The following HIVEP2 variants were observed in gnomAD, a reference collection of about 807,000 sequenced individuals.
The protein encoded by HIVEP2 is HIVEP zinc finger 2.
A neutral mutation model predicts 180.7 loss-of-function variants in HIVEP2; 14 were observed. The ratio of observed to expected loss-of-function variants is 0.08; its 90% CI spans 0.05 to 0.12. The LOEUF is 0.12. Among genes scored for constraint, HIVEP2 ranks in the 10% least tolerant of loss-of-function variants. The probability of loss-of-function intolerance (pLI) is 1.00; values close to 1 mark genes in which losing one functional copy is unlikely to be tolerated. For synonymous variants in HIVEP2, 1,184 were observed against 1,136.4 expected (o/e 1.04, Z -0.84); for missense variants, 2,579 against 3,008.5 (o/e 0.86, Z 3.34).
At chr6:142,784,393 T>C (rs1045786079) in intron 2 of HIVEP2, among the ~76,000 whole-genome samples, 1 of 152,256 alleles carries the variant, frequency 6.6e-6, no homozygotes, top group Non-Finnish European at 1.5e-5. Flanking sequence ...AGTTAAAGTG[T>C]GCTTTCCTGC....
chr6:142,900,823 C>T (rs2128425250), intron 1 of HIVEP2, among the ~76,000 whole-genome samples: 1 of 152,304 alleles, frequency 6.6e-6, no homozygotes, highest in South Asian at 2.1e-4. Context: ...GTGGGCAAGT[C>T]TTGGAGGGTT....
chr6:142,772,575 C>T lies in HIVEP2; in HGVS notation c.2164G>A (p.Gly722Ser), dbSNP rs1268005011. 1 of 1,614,064 alleles carries T rather than the reference C, an allele frequency of 6.2e-7. No individual in the cohort carries two copies. Among genetic ancestry groups the T allele is most frequent in the African/African-American group, 1.3e-5 (1 of 74,920 alleles). ...GGGTCATAATCGGAAGCCATGATGCCCACAGGAGTGCTTACAATGCTGCTG... is the reference window on the plus strand; with the variant it reads ...GGGTCATAATCGGAAGCCATGATGCTCACAGGAGTGCTTACAATGCTGCTG... Reference protein sequence around the residue: ...ICSSIVSTPVGIMASDYDPKL... With the variant: ...ICSSIVSTPVSIMASDYDPKL... The change falls in exon 5 of 10, where the codon GGC (glycine) becomes AGC (serine). Residue 722 changes from glycine (G) to serine (S), a missense_variant. This residue lies in a region of HIVEP2 where 524 missense variants were observed against 563.6 expected (regional missense o/e 0.93). Transcript: ENST00000367603. The surrounding 1 kb of genome is among the most constrained non-coding windows in gnomAD (Gnocchi z 4.9).
At chr6:142,827,933 G>C (rs1367937591) in intron 2 of HIVEP2, among the ~76,000 whole-genome samples, 1 of 152,092 alleles carries the variant, frequency 6.6e-6, no homozygotes, top group African/African-American at 2.4e-5. Flanking sequence ...TTTCCTCACT[G>C]GTGTACTTAT....
rs768059241 is a variant in HIVEP2 at position 142,769,742 on chromosome 6, T to C, written c.4997A>G (p.Lys1666Arg). 3 of 1,614,232 alleles carry C rather than the reference T, an allele frequency of 1.9e-6. No homozygotes were observed. The South Asian group carries it at 3.3e-5, about 18-fold the overall frequency. The change falls in exon 5 of 10, where the codon AAA (lysine) becomes AGA (arginine). Residue 1666 changes from lysine to arginine, a missense_variant. Physicochemically the swap from Lys to Arg is conservative, Grantham distance 26. Coordinates refer to ENST00000367603, the MANE Select transcript of HIVEP2 (RefSeq NM_006734.4). The stretch of plus-strand genomic sequence containing the variant: ...GCACCATGAAGCATAAACCGAGGAT[T>C]TGAAGGTGGCCTGTTGCACATAATT... ...KPNYVQQATF[K>R]SSVYASWCIS...
At chr6:142,888,057 C>A (rs765458840) in intron 1 of HIVEP2, among the ~76,000 whole-genome samples, 27 of 152,054 alleles carry the variant, frequency 1.8e-4, no homozygotes, top group Middle Eastern at 3.4e-3. Flanking sequence ...GACAATAAAT[C>A]ATTTTACATG....
At chr6:142,756,525 C>T (rs1775073269) in intron 9 of HIVEP2, among the ~76,000 whole-genome samples, 1 of 152,102 alleles carries the variant, frequency 6.6e-6, no homozygotes, top group African/African-American at 2.4e-5. Context: ...GTGACTCGCC[C>T]AAGATCACAC....
intron 1 of HIVEP2, among the ~76,000 whole-genome samples, chr6:142,848,269 G>A (rs750013892): frequency 6.6e-6 from 1 of 152,208 alleles, no homozygotes; most frequent in Non-Finnish European, 1.5e-5. Context: ...ATGGATGTGG[G>A]ATGGGGGAAG....
intron 1 of HIVEP2, among the ~76,000 whole-genome samples, chr6:142,840,209 A>G (rs1775328936): frequency 6.6e-6 from 1 of 152,198 alleles, no homozygotes; most frequent in South Asian, 2.1e-4. Flanking sequence ...TATACGCCCA[A>G]GACATCTTAA....
chr6:142,840,186 T>C (rs1298209592), intron 1 of HIVEP2, among the ~76,000 whole-genome samples: 2 of 152,160 alleles, frequency 1.3e-5, no homozygotes, highest in Non-Finnish European at 2.9e-5. Context: ...AAATCAAGAA[T>C]ACCTTGACAA....
At chr6:142,902,277 A>G (rs1777150235) in intron 1 of HIVEP2, among the ~76,000 whole-genome samples, 1 of 152,178 alleles carries the variant, frequency 6.6e-6, no homozygotes, top group South Asian at 2.1e-4. Context: ...CACAATTCCT[A>G]ACATAATGTG....
chr6:142,887,890 A>G (rs1416270493), intron 1 of HIVEP2, among the ~76,000 whole-genome samples: 2 of 151,944 alleles, frequency 1.3e-5, no homozygotes, highest in Non-Finnish European at 2.9e-5. Flanking sequence ...CACTAAATTT[A>G]GGACCAGATT....
intron 1 of HIVEP2, among the ~76,000 whole-genome samples, chr6:142,884,649 CAGGAAGAGAAAGAAG>C (rs1413281773): frequency 1.3e-5 from 2 of 151,788 alleles, no homozygotes; most frequent in East Asian, 1.9e-4. Flanking sequence ...AGGATAGAGA[CAGGAAGAGAAAGAAG>C]AGGAAGAGAA....
At chr6:142,879,204 C>A (rs1381043243) in intron 1 of HIVEP2, among the ~76,000 whole-genome samples, 4 of 151,938 alleles carry the variant, frequency 2.6e-5, no homozygotes, top group African/African-American at 9.7e-5. Context: ...TTCACAGTAA[C>A]CTATTAAACG....
At chr6:142,834,749 T>C (rs569335457) in intron 2 of HIVEP2, among the ~76,000 whole-genome samples, 1 of 152,274 alleles carries the variant, frequency 6.6e-6, no homozygotes, top group Non-Finnish European at 1.5e-5. Flanking sequence ...TTTCTTACTT[T>C]GCAAACTGTT....
At chr6:142,863,472 C>T (rs1271538524) in intron 1 of HIVEP2, among the ~76,000 whole-genome samples, 30 of 151,960 alleles carry the variant, frequency 2.0e-4, no homozygotes, top group Non-Finnish European at 7.4e-5. Flanking sequence ...CAAAAAATAG[C>T]TTTTCTAAGA....
At chr6:142,784,570 G>A (rs1296893510) in intron 2 of HIVEP2, among the ~76,000 whole-genome samples, 2 of 152,092 alleles carry the variant, frequency 1.3e-5, no homozygotes, top group Non-Finnish European at 1.5e-5. Flanking sequence ...AGACACAAAA[G>A]GTGCAAAAAT....
Position 142,774,160 on chromosome 6 carries a change from G to A in HIVEP2, c.579C>T (p.Tyr193=), listed in dbSNP as rs188277870. The stretch of plus-strand genomic sequence containing the variant: ...TAGGTTTGGCACACGCTCTGCTGCA[G>A]TAAGGGCAAATGTACTTGCCAGGCT... ...PKKPGKYICP[Y]CSRACAKPSV... Residue 193 remains tyrosine (Y), a synonymous_variant, in exon 5 of 10, where the codon TAC becomes TAT. Coordinates refer to ENST00000367603, the MANE Select transcript of HIVEP2 (RefSeq NM_006734.4). The surrounding 1 kb of genome is among the most constrained non-coding windows in gnomAD (Gnocchi z 5.1). 6.8e-6 allele frequency: 11 copies of A among 1,614,162 alleles called. No individual in the cohort carries two copies. In the African/African-American group the frequency reaches 1.5e-4, roughly 22 times the overall value.
chr6:142,880,616 G>T (rs905093200), intron 1 of HIVEP2, among the ~76,000 whole-genome samples: 1 of 152,118 alleles, frequency 6.6e-6, no homozygotes, highest in South Asian at 2.1e-4. Flanking sequence ...CAAGAGAAAG[G>T]TTTGCTTCAG....
intron 2 of HIVEP2, among the ~76,000 whole-genome samples, chr6:142,784,849 A>G (rs986389459): frequency 2.0e-5 from 3 of 152,196 alleles, no homozygotes; most frequent in African/African-American, 4.8e-5. Flanking sequence ...ATCCTAAAAA[A>G]TATACATTTT....
Sources: gnomAD v4.1 joint callset for allele counts (sites outside exome capture counted in the v4.1 genomes callset) on GRCh38, gnomAD v4.1.1 for gene constraint, gnomAD v4.1.1 regional missense constraint, Gnocchi (gnomAD v3.1) non-coding constraint, MANE v1.5 for transcripts, NCBI Gene and HGNC (gene_info 2026-07-23, HGNC 2026-07-21) for gene names.